Variants in PTPRG observed in about 807,000 individuals in gnomAD.
PTPRG encodes the protein protein tyrosine phosphatase receptor type G.
Under a neutral mutation model 165.3 loss-of-function variants are expected in PTPRG, and 102 were observed. That is an observed-to-expected ratio of 0.62 (90% CI 0.53 to 0.73). The LOEUF is 0.73. Ranked by LOEUF, PTPRG falls within the 30% of genes least tolerant of loss-of-function variation. PTPRG has a pLI of 0.00. For synonymous variants in PTPRG, 675 were observed against 669.5 expected (o/e 1.01, Z -0.13); for missense variants, 1,866 against 1,861.4 (o/e 1.00, Z -0.05).
intron 1 of PTPRG, among the ~76,000 whole-genome samples, chr3:61,670,811 T>C (rs1286681601): frequency 1.3e-5 from 2 of 152,168 alleles, no homozygotes; most frequent in African/African-American, 4.8e-5. Flanking sequence ...CTTTAAGATA[T>C]AATTAAGTAG....
chr3:61,657,945 G>T (rs1702553100), intron 1 of PTPRG, among the ~76,000 whole-genome samples: 1 of 152,152 alleles, frequency 6.6e-6, no homozygotes, highest in Non-Finnish European at 1.5e-5. Context: ...CCCTGGTTGT[G>T]CTGCTGTGGG....
At chr3:61,778,924 A>C (rs2034463278) in intron 2 of PTPRG, among the ~76,000 whole-genome samples, 1 of 152,044 alleles carries the variant, frequency 6.6e-6, no homozygotes, top group Non-Finnish European at 1.5e-5. Flanking sequence ...GAGAGAGAGG[A>C]ATAGTGTGAC....
chr3:62,125,302 C>T (rs1703247515), intron 5 of PTPRG, among the ~76,000 whole-genome samples: 1 of 152,252 alleles, frequency 6.6e-6, no homozygotes, highest in South Asian at 2.1e-4. Context: ...TCCAATGTGC[C>T]TTGTCTCTTA....
chr3:62,073,470 C>T (rs574184765), intron 4 of PTPRG, among the ~76,000 whole-genome samples: 3 of 151,992 alleles, frequency 2.0e-5, no homozygotes, highest in South Asian at 2.1e-4. Flanking sequence ...ATATGATGCA[C>T]GGAGAAGATA....
At chr3:62,223,148 C>A (rs1044541724) in intron 13 of PTPRG, among the ~76,000 whole-genome samples, 7 of 152,046 alleles carry the variant, frequency 4.6e-5, no homozygotes, top group Admixed American at 1.3e-4. Flanking sequence ...AGGGCCGGAT[C>A]ATGAGGGCCT....
chr3:61,804,958 T>G (rs1377584861), intron 2 of PTPRG, among the ~76,000 whole-genome samples: 4 of 152,186 alleles, frequency 2.6e-5, no homozygotes, highest in African/African-American at 9.7e-5. Flanking sequence ...ACAAAGAGTT[T>G]GACAGATCCT....
intron 3 of PTPRG, among the ~76,000 whole-genome samples, chr3:61,991,553 G>A (rs1303962831): frequency 6.6e-6 from 1 of 152,198 alleles, no homozygotes; most frequent in Non-Finnish European, 1.5e-5. Context: ...AGCACAGATT[G>A]TGTGCTTATT....
chr3:61,766,067 C>T (rs1445387010), intron 2 of PTPRG, among the ~76,000 whole-genome samples: 1 of 152,136 alleles, frequency 6.6e-6, no homozygotes, highest in African/African-American at 2.4e-5. Context: ...ATATCTATCT[C>T]AATACTCCTA....
intron 2 of PTPRG, among the ~76,000 whole-genome samples, chr3:61,861,861 C>T (rs951478531): frequency 5.9e-5 from 9 of 152,184 alleles, no homozygotes; most frequent in African/African-American, 1.4e-4. Flanking sequence ...CCAATGGTGG[C>T]GAAATACTGC....
At chr3:61,746,347 C>T (rs1017240405) in intron 1 of PTPRG, among the ~76,000 whole-genome samples, 1 of 151,496 alleles carries the variant, frequency 6.6e-6, no homozygotes, top group African/African-American at 2.4e-5. Context: ...GCTGGGGCTA[C>T]AGGTGCCGCC....
intron 12 of PTPRG, among the ~76,000 whole-genome samples, chr3:62,206,232 G>C (rs1700225940): frequency 6.6e-6 from 1 of 152,186 alleles, no homozygotes; most frequent in African/African-American, 2.4e-5. Context: ...AGATTCCAGA[G>C]ACAGGGGAGA....
At chr3:61,699,351 C>T (rs1000492311) in intron 1 of PTPRG, among the ~76,000 whole-genome samples, 1 of 152,144 alleles carries the variant, frequency 6.6e-6, no homozygotes, top group Non-Finnish European at 1.5e-5. Context: ...ATTCTCCTAA[C>T]TGCTTTTGCA....
At chr3:61,855,400 G>T (rs755793225) in intron 2 of PTPRG, among the ~76,000 whole-genome samples, 1 of 152,110 alleles carries the variant, frequency 6.6e-6, no homozygotes, top group African/African-American at 2.4e-5. Context: ...AGAGAAAGAT[G>T]TTCTCATACC....
At chr3:62,128,060 C>G (rs1213818847) in intron 5 of PTPRG, among the ~76,000 whole-genome samples, 3 of 152,132 alleles carry the variant, frequency 2.0e-5, no homozygotes, top group African/African-American at 4.8e-5. Flanking sequence ...TTGTCAGTAT[C>G]TCTATATACT....
At chr3:61,773,708 G>A (rs749878007) in intron 2 of PTPRG, among the ~76,000 whole-genome samples, 1 of 151,870 alleles carries the variant, frequency 6.6e-6, no homozygotes, top group Non-Finnish European at 1.5e-5. Flanking sequence ...AAAGAGCCTA[G>A]GATGCTGTGT....
rs140916981 is a variant in PTPRG, at chr3:62,132,630, A to G, written c.644A>G (p.Asp215Gly). ...QVSPRDNSAL[D>G]PIIHGLKGVV... ...AGTCCGAGGGACAATTCTGCACTGG[A>G]TCCTATTATCCACGGGTTGAAGGGT... The change falls in exon 6 of 30, where the codon GAT becomes GGT. Residue 215 changes from aspartate (D) to glycine (G), a missense_variant. By Grantham distance (94) the Asp-to-Gly change is moderately conservative. This residue lies in a region of PTPRG where 408 missense variants were observed against 376.2 expected (regional missense o/e 1.08). Transcript: ENST00000474889. 3.7e-5 allele frequency: 59 copies of G among 1,612,356 alleles called. No individual in the cohort carries two copies. The highest frequency in any genetic ancestry group is 1.3e-5 in the African/African-American group (1 of 74,970).
At chr3:62,179,453 A>T (rs1705565679) in intron 8 of PTPRG, among the ~76,000 whole-genome samples, 1 of 152,240 alleles carries the variant, frequency 6.6e-6, no homozygotes. Flanking sequence ...GTCAGGTATT[A>T]TCAGGTGCAC....
rs112646688 is a variant in PTPRG at position 61,871,443 on chromosome 3, A to C, written c.191-118182A>C. ...GATGGGGTCTTACTGGTCTCAAGCA[A>C]TCCTCCCACCTTGGCTTCTCAACAT... On this transcript the variant is annotated intron_variant, in intron 2 of 29. Coordinates refer to ENST00000474889, the MANE Select transcript of PTPRG (RefSeq NM_002841.4). 3.5e-3 allele frequency among the ~76,000 whole-genome samples: 535 copies of C among 152,086 alleles called. 1 individual carries two copies. Among genetic ancestry groups the C allele is most frequent in the African/African-American group, 0.012 (517 of 41,466 alleles).
chr3:61,780,786 T>C (rs1376479306), intron 2 of PTPRG, among the ~76,000 whole-genome samples: 1 of 152,246 alleles, frequency 6.6e-6, no homozygotes, highest in African/African-American at 2.4e-5. Context: ...AACTTAATTC[T>C]TAGGCACTCC....
Sources: gnomAD v4.1 joint callset for allele counts (sites outside exome capture counted in the v4.1 genomes callset) on GRCh38, gnomAD v4.1.1 for gene constraint, gnomAD v4.1.1 regional missense constraint, MANE v1.5 for transcripts, NCBI Gene and HGNC (gene_info 2026-07-23, HGNC 2026-07-21) for gene names.